RSRC1: variants seen among roughly 807,000 people sequenced by gnomAD.
The protein encoded by RSRC1 is arginine and serine rich coiled-coil 1.
A neutral mutation model predicts 49.1 loss-of-function variants in RSRC1; 39 were observed. The observed-to-expected ratio is 0.79, with a 90% confidence interval of 0.61 to 1.04. The LOEUF (loss-of-function observed/expected upper bound fraction) is 1.04, where lower values mean the gene tolerates loss of function less well. RSRC1 is among the 50% of genes least tolerant of loss of function. The probability of loss-of-function intolerance (pLI) is 0.00; values close to 1 mark genes in which losing one functional copy is unlikely to be tolerated. For missense variants in RSRC1, 388 were observed against 402.4 expected, an observed-to-expected ratio of 0.96 and a Z score of 0.31; for synonymous variants, 143 against 130.8, an observed-to-expected ratio of 1.09 and a Z score of -0.63.
Position 158,543,444 on chromosome 3 carries a change from C to T in RSRC1, c.869C>T (p.Thr290Ile), listed in dbSNP as rs762475937. Residue 290 changes from threonine (T) to isoleucine (I), a missense_variant, in exon 9 of 10, where the codon ACT (threonine) becomes ATT (isoleucine). Transcript: ENST00000611884. ...GAAATAGATCCTACCAGCATCCCTA[C>T]TGCTATCAAGTACCAAGATGACAAT... is the stretch of plus-strand genomic sequence containing the variant. ...EKEIDPTSIP[T>I]AIKYQDDNSL... The T allele has an allele frequency of 6.2e-7, 1 of 1,611,304 alleles. No individual in the cohort carries two copies. The highest frequency in any genetic ancestry group is 8.5e-7 in the Non-Finnish European group (1 of 1,178,742).
chr3:158,449,555 A>G (rs1736902764), intron 6 of RSRC1, among the ~76,000 whole-genome samples: 1 of 151,856 alleles, frequency 6.6e-6, no homozygotes, highest in African/African-American at 2.4e-5. Flanking sequence ...GTTTAAATGG[A>G]GAATCGTGAG....
At chr3:158,145,383 T>C (rs1312582015) in intron 3 of RSRC1, among the ~76,000 whole-genome samples, 2 of 152,234 alleles carry the variant, frequency 1.3e-5, no homozygotes, top group Non-Finnish European at 2.9e-5. Flanking sequence ...ATTTGTTATA[T>C]AGGGAATCCT....
intron 9 of RSRC1, chr3:158,543,712 A>G (rs552715185): frequency 2.2e-5 from 9 of 417,428 alleles, no homozygotes; most frequent in African/African-American, 1.7e-4. Context: ...TATTCTGTCT[A>G]TGGTTAAGAA....
intron 4 of RSRC1, among the ~76,000 whole-genome samples, chr3:158,222,957 A>G (rs1722307204): frequency 6.6e-6 from 1 of 151,584 alleles, no homozygotes. Context: ...TCCTCATTTC[A>G]GTAGTAATTT....
intron 1 of RSRC1, among the ~76,000 whole-genome samples, chr3:158,112,973 T>G (rs559412485): frequency 9.8e-5 from 15 of 152,334 alleles, no homozygotes; most frequent in African/African-American, 3.4e-4. Flanking sequence ...AATGATGATC[T>G]CATTCTTTTT....
chr3:158,431,508 T>C (rs1735770321), intron 6 of RSRC1, among the ~76,000 whole-genome samples: 1 of 151,924 alleles, frequency 6.6e-6, no homozygotes, highest in South Asian at 2.1e-4. Context: ...CTATTAACTT[T>C]ACCACAATAC....
intron 4 of RSRC1, among the ~76,000 whole-genome samples, chr3:158,228,528 A>G (rs559385697): frequency 2.6e-5 from 4 of 152,098 alleles, no homozygotes; most frequent in African/African-American, 9.6e-5. Context: ...TTTAGATCCC[A>G]TATCATAACT....
intron 4 of RSRC1, among the ~76,000 whole-genome samples, chr3:158,215,055 A>C (rs996223628): frequency 2.0e-5 from 3 of 151,434 alleles, no homozygotes; most frequent in Non-Finnish European, 4.4e-5. Flanking sequence ...TGTATTTTTT[A>C]GCGCTTTTGT....
intron 6 of RSRC1, among the ~76,000 whole-genome samples, chr3:158,360,501 G>C (rs1028287127): frequency 3.9e-5 from 6 of 152,156 alleles, no homozygotes; most frequent in Non-Finnish European, 1.5e-5. Context: ...TGACACACAG[G>C]CTGCTTGCAG....
intron 6 of RSRC1, among the ~76,000 whole-genome samples, chr3:158,363,908 G>A (rs1731617735): frequency 6.6e-6 from 1 of 152,100 alleles, no homozygotes. Flanking sequence ...ACCCTTCCTA[G>A]GAGAGAAACT....
intron 5 of RSRC1, among the ~76,000 whole-genome samples, chr3:158,337,256 G>T (rs1729962062): frequency 6.6e-6 from 1 of 152,196 alleles, no homozygotes; most frequent in Admixed American, 6.5e-5. Flanking sequence ...GGCTGCAGAA[G>T]TCCTTGCTAT....
At chr3:158,511,112 T>C (rs945587858) in intron 7 of RSRC1, among the ~76,000 whole-genome samples, 6 of 152,114 alleles carry the variant, frequency 3.9e-5, no homozygotes, top group Non-Finnish European at 7.4e-5. Flanking sequence ...TTGTTGGTTT[T>C]TTTTTTATTA....
Position 158,439,492 on chromosome 3 carries a change from G to T in RSRC1, c.584-21443G>T, listed in dbSNP as rs568153567. Among the ~76,000 whole-genome samples, 1,464 of 152,178 alleles carry T rather than the reference G, an allele frequency of 9.6e-3. 6 individuals are homozygous for T. Among genetic ancestry groups the T allele is most frequent in the Non-Finnish European group, 0.015 (1,030 of 68,000 alleles). On this transcript the variant is annotated intron_variant, in intron 6 of 9. Transcript: ENST00000611884. ...TGGAATACTATGCAGCCATAAAAAA[G>T]GAGGAGTTCATGTCCTTTGTAGGGA...
intron 3 of RSRC1, among the ~76,000 whole-genome samples, chr3:158,200,201 C>T (rs570988609): frequency 1.3e-5 from 2 of 152,142 alleles, no homozygotes; most frequent in African/African-American, 4.8e-5. Flanking sequence ...CCATGCCCAG[C>T]TAATTTTTTG....
intron 8 of RSRC1, 126 bp downstream of exon 8, chr3:158,537,324 G>A: frequency 1.9e-6 from 1 of 536,392 alleles, no homozygotes; most frequent in Non-Finnish European, 3.3e-6. Flanking sequence ...TGTCAGCCAT[G>A]TTGCTGAGAG....
chr3:158,427,370 G>A (rs192706793), intron 6 of RSRC1, among the ~76,000 whole-genome samples: 28 of 151,810 alleles, frequency 1.8e-4, no homozygotes, highest in African/African-American at 6.8e-4. Context: ...TTACTTTAAC[G>A]CAGTTATTCA....
At chr3:158,376,137 ATCCCTCCCTCCCTCCCTCCC>A (rs58871024) in intron 6 of RSRC1, among the ~76,000 whole-genome samples, 29 of 88,630 alleles carry the variant, frequency 3.3e-4, no homozygotes, top group African/African-American at 1.6e-3. Context: ...GAAAGAATAT[ATCCCTCCCTCCCTCCCTCCC>A]TCCCTCCCTC....
At chr3:158,480,290 T>A (rs1324087796) in intron 7 of RSRC1, among the ~76,000 whole-genome samples, 3 of 152,036 alleles carry the variant, frequency 2.0e-5, no homozygotes, top group African/African-American at 4.8e-5. Flanking sequence ...TGGATTTTTT[T>A]AAAAAGAATA....
At chr3:158,529,754 T>C (rs1189280121) in intron 7 of RSRC1, among the ~76,000 whole-genome samples, 1 of 151,928 alleles carries the variant, frequency 6.6e-6, no homozygotes, top group Non-Finnish European at 1.5e-5. Context: ...CAGAACAAAA[T>C]ATGTTTGCTT....
Sources: allele counts gnomAD v4.1 joint callset (sites outside exome capture counted in the v4.1 genomes callset), GRCh38; gene constraint gnomAD v4.1.1; transcripts MANE v1.5; gene names NCBI Gene and HGNC (gene_info 2026-07-23, HGNC 2026-07-21).